Variants in SLC6A5 observed in about 807,000 individuals in gnomAD.
The protein encoded by SLC6A5 is sodium- and chloride-dependent glycine transporter 2.
A neutral mutation model predicts 90.5 loss-of-function variants in SLC6A5; 58 were observed. That is an observed-to-expected ratio of 0.64 (90% CI 0.52 to 0.80). The LOEUF is 0.80. Ranked by LOEUF, SLC6A5 falls within the 30% of genes least tolerant of loss-of-function variation. The pLI is 0.00. For missense variants in SLC6A5, 1,015 were observed against 1,017.6 expected (o/e 1.00, Z 0.03); for synonymous variants, 427 against 401.4 (o/e 1.06, Z -0.76).
At chr11:20,632,323 G>C (rs1853123784) in intron 10 of SLC6A5, among the ~76,000 whole-genome samples, 1 of 152,192 alleles carries the variant, frequency 6.6e-6, no homozygotes, top group South Asian at 2.1e-4. Flanking sequence ...TGAATCCTGA[G>C]ATGTGGGCCA....
rs1853094655 is a variant in SLC6A5 at position 20,630,778 on chromosome 11, T to C, written c.1587T>C (p.Asn529=). Residue 529 remains asparagine (N), a synonymous_variant, in exon 10 of 16, where the codon AAT becomes AAC. Coordinates refer to ENST00000525748, the MANE Select transcript of SLC6A5 (RefSeq NM_004211.5). ...VIFSVIGFMA[N]ERKVNIENVA... ...TCTCCGTTATCGGCTTCATGGCCAA[T>C]GAACGCAAAGTCAACATTGAGAATG... 3 of 1,614,210 alleles carry C rather than the reference T, an allele frequency of 1.9e-6. No homozygotes were observed. The highest frequency in any genetic ancestry group is 2.5e-6 in the Non-Finnish European group (3 of 1,180,038).
intron 5 of SLC6A5, among the ~76,000 whole-genome samples, chr11:20,612,884 G>C (rs1449209869): frequency 6.6e-6 from 1 of 152,170 alleles, no homozygotes; most frequent in Non-Finnish European, 1.5e-5. Context: ...TTTTTAAATG[G>C]AGATATTTCA....
intron 15 of SLC6A5, among the ~76,000 whole-genome samples, chr11:20,654,356 T>C (rs1380990810): frequency 6.9e-6 from 1 of 145,432 alleles, no homozygotes; most frequent in Non-Finnish European, 1.6e-5. Flanking sequence ...TGTTTGGCAG[T>C]GAAGAGAGAA....
chr11:20,637,432 T>C, intron 12 of SLC6A5, 129 bp downstream of exon 12: 1 of 803,922 alleles, frequency 1.2e-6, no homozygotes. Context: ...TCCATGTAGA[T>C]GGCACCAGTT....
intron 14 of SLC6A5, among the ~76,000 whole-genome samples, chr11:20,651,288 T>C (rs1004692704): frequency 7.5e-6 from 1 of 132,720 alleles, no homozygotes; most frequent in African/African-American, 2.8e-5. Context: ...CTTCCCTTTT[T>C]CCTGAGACCG....
chr11:20,601,232 C>A lies in SLC6A5; in HGVS notation c.107C>A (p.Pro36Gln). ...GGCCCATGCGCTCCCAGGACGAGCC[C>A]GGAGCAGGAGCTTCCCGCGGCTGCC... is the stretch of plus-strand genomic sequence containing the variant. ...PDGPCAPRTS[P>Q]EQELPAAAAP... The change falls in exon 2 of 16, where the codon CCG becomes CAG. Residue 36 changes from proline (P) to glutamine (Q), a missense_variant. By Grantham distance (76) the Pro-to-Gln change is moderately conservative (BLOSUM62 -1). Around this residue, in one of 3 missense-constraint regions of SLC6A5, gnomAD observed 567 missense variants for 507.3 expected, o/e 1.12. Coordinates refer to ENST00000525748, the MANE Select transcript of SLC6A5 (RefSeq NM_004211.5). The A allele has an allele frequency of 6.3e-7, 1 of 1,582,560 alleles. No homozygotes were observed. The highest frequency in any genetic ancestry group is 8.5e-7 in the Non-Finnish European group (1 of 1,172,018).
At chr11:20,626,308 T>G (rs1344444411) in intron 7 of SLC6A5, among the ~76,000 whole-genome samples, 2 of 152,286 alleles carry the variant, frequency 1.3e-5, no homozygotes, top group Non-Finnish European at 2.9e-5. Flanking sequence ...TAAACAGGGA[T>G]GGAAAGCTTA....
chr11:20,628,436 G>A (rs77245771), intron 9 of SLC6A5, among the ~76,000 whole-genome samples: 2,850 of 152,288 alleles, frequency 0.019, 99 homozygotes, highest in African/African-American at 0.066. Flanking sequence ...TCTTCCCTCT[G>A]TGTGGGGCTG....
rs1336793100 is a variant in SLC6A5 at position 20,655,016 on chromosome 11, T to C, written c.*148T>C. The C allele has an allele frequency of 4.4e-6, 4 of 899,530 alleles. No individual in the cohort carries two copies. The African/African-American group carries it at 4.9e-5, about 11-fold the overall frequency. The allele number at this position is 899,530 out of a possible 1,614,324, so 55.7% of individuals were successfully genotyped here. ...GCATGAGAGTGATTATGTAGAAAAG[T>C]AGGCATAGTGTCGCATGCTGCAGTA... On this transcript the variant is annotated 3_prime_UTR_variant, in exon 16 of 16. Transcript: ENST00000525748.
chr11:20,628,899 C>T (rs1404320073), intron 9 of SLC6A5, among the ~76,000 whole-genome samples: 2 of 152,174 alleles, frequency 1.3e-5, no homozygotes, highest in African/African-American at 2.4e-5. Flanking sequence ...CTTCAGTAAA[C>T]TAAGGGGTCA....
chr11:20,625,869 C>T (rs1852984188), intron 7 of SLC6A5, among the ~76,000 whole-genome samples: 1 of 152,220 alleles, frequency 6.6e-6, no homozygotes, highest in Non-Finnish European at 1.5e-5. Context: ...CAATGCCCTT[C>T]CCTGAACTTC....
intron 7 of SLC6A5, among the ~76,000 whole-genome samples, chr11:20,619,721 G>C (rs1383354065): frequency 6.6e-6 from 1 of 152,090 alleles, no homozygotes; most frequent in Non-Finnish European, 1.5e-5. Context: ...TAATTGGACT[G>C]GGTGATGTCT....
At chr11:20,618,945 G>GACACACACAC (rs68111718) in intron 7 of SLC6A5, among the ~76,000 whole-genome samples, 5,558 of 148,590 alleles carry the variant, frequency 0.037, 190 homozygotes, top group East Asian at 0.11. Context: ...TGTCCCGCCC[G>GACACACACAC]ACACACACAC....
intron 14 of SLC6A5, among the ~76,000 whole-genome samples, chr11:20,650,767 C>T (rs1266766547): frequency 1.3e-5 from 2 of 150,722 alleles, no homozygotes; most frequent in African/African-American, 4.9e-5. Context: ...CCCGGGTTCA[C>T]GCCATTCTCC....
chr11:20,611,207 C>T (rs1311101243), intron 5 of SLC6A5, among the ~76,000 whole-genome samples: 1 of 152,182 alleles, frequency 6.6e-6, no homozygotes, highest in Non-Finnish European at 1.5e-5. Context: ...GTAATCCCAG[C>T]ACCTTGGGAA....
chr11:20,612,543 G>T (rs3781744), intron 5 of SLC6A5, among the ~76,000 whole-genome samples: 92,967 of 152,134 alleles, frequency 0.61, 29,126 homozygotes, highest in South Asian at 0.72. Context: ...TTAGAGAAAG[G>T]GTCTCATTCT....
Position 20,655,089 on chromosome 11 carries a change from G to A in SLC6A5, c.*221G>A, listed in dbSNP as rs1853619321. On this transcript the variant is annotated 3_prime_UTR_variant, in exon 16 of 16. Coordinates refer to ENST00000525748, the MANE Select transcript of SLC6A5 (RefSeq NM_004211.5). ...AGCGCTGTTTGCCTGTGCCCATGGT[G>A]ACTGTTTCTGGTCAGGTTGGTCCCC... The A allele has an allele frequency of 1.7e-6, 1 of 571,968 alleles. No individual in the cohort carries two copies. The highest frequency in any genetic ancestry group is 3.2e-6 in the Non-Finnish European group (1 of 310,352). The allele number at this position is 571,968 out of a possible 1,614,324, so 35.4% of individuals were successfully genotyped here. A position where few individuals can be genotyped will look rare whatever the true frequency, so the allele number is the denominator to read the frequency against.
chr11:20,615,613 TG>T (rs2133785763), intron 6 of SLC6A5, among the ~76,000 whole-genome samples: 1 of 152,276 alleles, frequency 6.6e-6, no homozygotes, highest in South Asian at 2.1e-4. Context: ...GTGATCTGCT[TG>T]CCACGGCCTC....
chr11:20,638,563 G>A lies in SLC6A5; in HGVS notation c.1969+5G>A. On this transcript the variant is annotated splice_donor_5th_base_variant and intron_variant, in intron 13 of 15. Coordinates refer to ENST00000525748, the MANE Select transcript of SLC6A5 (RefSeq NM_004211.5). ...TGGGGATCTCTTATGTGTATGGTAA[G>A]GAAATCACTGTGCCTGTTGCTGAAG... The A allele has an allele frequency of 6.5e-7, 1 of 1,543,082 alleles. No homozygotes were observed.
Sources: gnomAD v4.1 joint callset for allele counts (sites outside exome capture counted in the v4.1 genomes callset) on GRCh38, gnomAD v4.1.1 for gene constraint, gnomAD v4.1.1 regional missense constraint, MANE v1.5 for transcripts, NCBI Gene and HGNC (gene_info 2026-07-23, HGNC 2026-07-21) for gene names.